Variants in ASIC2 observed in about 807,000 individuals in gnomAD.
The protein encoded by ASIC2 is acid sensing ion channel subunit 2.
Under a neutral mutation model 57.3 loss-of-function variants are expected in ASIC2, and 25 were observed. That is an observed-to-expected ratio of 0.44 (90% CI 0.32 to 0.61). The LOEUF (loss-of-function observed/expected upper bound fraction) is 0.61. ASIC2 is among the 20% of genes least tolerant of loss of function. The pLI is 0.06. For synonymous variants in ASIC2, 319 were observed against 307.5 expected, an observed-to-expected ratio of 1.04 and a Z score of -0.39; for missense variants, 641 against 738.1, an observed-to-expected ratio of 0.87 and a Z score of 1.52.
At chr17:33,063,250 C>G (rs2092028403) in intron 3 of ASIC2, among the ~76,000 whole-genome samples, 1 of 152,190 alleles carries the variant, frequency 6.6e-6, no homozygotes, top group Non-Finnish European at 1.5e-5. Flanking sequence ...CAGTTTCTTC[C>G]TAGCATCGAT....
At chr17:33,849,668 G>C (rs568733947) in intron 1 of ASIC2, among the ~76,000 whole-genome samples, 1 of 152,264 alleles carries the variant, frequency 6.6e-6, no homozygotes, top group East Asian at 1.9e-4. Context: ...AGTGAAGAAA[G>C]GGGAACTGCA....
At chr17:33,044,850 G>A (rs4795735) in intron 3 of ASIC2, among the ~76,000 whole-genome samples, 32,586 of 152,154 alleles carry the variant, frequency 0.21, 3,828 homozygotes, top group East Asian at 0.36. Context: ...GGAGGGCATG[G>A]TCCAACTAAT....
intron 1 of ASIC2, among the ~76,000 whole-genome samples, chr17:33,899,985 G>A (rs1915196227): frequency 6.6e-6 from 1 of 152,192 alleles, no homozygotes; most frequent in Non-Finnish European, 1.5e-5. Context: ...TGGGAAGTGA[G>A]TATCCTGTGC....
At chr17:33,815,034 G>T (rs116824895) in intron 1 of ASIC2, among the ~76,000 whole-genome samples, 1 of 152,180 alleles carries the variant, frequency 6.6e-6, no homozygotes, top group Admixed American at 6.5e-5. Context: ...ACCAAGCATG[G>T]GCATTGAGGT....
intron 1 of ASIC2, among the ~76,000 whole-genome samples, chr17:33,577,490 G>A (rs1345945190): frequency 1.3e-5 from 2 of 152,092 alleles, no homozygotes; most frequent in African/African-American, 4.8e-5. Flanking sequence ...AGACCCTACC[G>A]TATTGGTTCT....
chr17:33,574,439 T>A (rs945673265), intron 1 of ASIC2, among the ~76,000 whole-genome samples: 1 of 152,228 alleles, frequency 6.6e-6, no homozygotes, highest in Non-Finnish European at 1.5e-5. Context: ...AGTAGCACTA[T>A]CAACATTTTA....
chr17:33,254,445 A>G (rs928609873), intron 1 of ASIC2, among the ~76,000 whole-genome samples: 17 of 152,108 alleles, frequency 1.1e-4, no homozygotes, highest in Non-Finnish European at 1.3e-4. Flanking sequence ...AGCCTTTCCA[A>G]TAACTATATA....
rs924474750 is a variant in ASIC2, at chr17:33,421,009, C to T, written c.556-308942G>A. 4.6e-5 allele frequency among the ~76,000 whole-genome samples: 7 copies of T among 152,286 alleles called. No individual in the cohort carries two copies. The South Asian group carries it at 6.2e-4, about 14-fold the overall frequency. On this transcript the variant is annotated intron_variant, in intron 1 of 9. Coordinates refer to the ASIC2 transcript ENST00000359872. ...TTGGTTTAGTGAAGTTTCTACTTTTCCTTGGAAAGCACTCATGTAATGGAG... is the reference window on the plus strand; with the variant it reads ...TTGGTTTAGTGAAGTTTCTACTTTTTCTTGGAAAGCACTCATGTAATGGAG...
chr17:33,139,985 T>C (rs1001832474), intron 1 of ASIC2, among the ~76,000 whole-genome samples: 1 of 152,222 alleles, frequency 6.6e-6, no homozygotes, highest in African/African-American at 2.4e-5. Context: ...TAAAGGAGAA[T>C]GTGCTATACA....
chr17:33,492,573 T>G (rs1913795266), intron 1 of ASIC2, among the ~76,000 whole-genome samples: 1 of 152,334 alleles, frequency 6.6e-6, no homozygotes, highest in African/African-American at 2.4e-5. Context: ...TCACACCACC[T>G]TGTTGAGTGA....
chr17:33,234,812 C>T (rs1908231645), intron 1 of ASIC2, among the ~76,000 whole-genome samples: 1 of 152,224 alleles, frequency 6.6e-6, no homozygotes, highest in Non-Finnish European at 1.5e-5. Context: ...ACCTAATCAC[C>T]TCCCAAAATC....
At chr17:34,009,814 C>G (rs182007169) in intron 1 of ASIC2, among the ~76,000 whole-genome samples, 133 of 152,214 alleles carry the variant, frequency 8.7e-4, no homozygotes, top group Non-Finnish European at 1.4e-3. Flanking sequence ...CTTTCAGAAC[C>G]CCAGCCTTAT....
At chr17:33,683,925 A>G (rs576402766) in intron 1 of ASIC2, among the ~76,000 whole-genome samples, 26 of 152,318 alleles carry the variant, frequency 1.7e-4, no homozygotes, top group Non-Finnish European at 2.5e-4. Flanking sequence ...ATCTACAAAT[A>G]AGGTCATGAG....
At chr17:33,888,715 A>G (rs67361277) in intron 1 of ASIC2, among the ~76,000 whole-genome samples, 25,911 of 152,092 alleles carry the variant, frequency 0.17, 2,350 homozygotes, top group African/African-American at 0.24. Flanking sequence ...TGAGAAGGCA[A>G]TTAAAATACA....
At chr17:33,394,651 A>G (rs1308838104) in intron 1 of ASIC2, among the ~76,000 whole-genome samples, 3 of 152,136 alleles carry the variant, frequency 2.0e-5, no homozygotes, top group Non-Finnish European at 4.4e-5. Flanking sequence ...CAAGTGAGGC[A>G]CCCAGGGAGG....
chr17:33,035,666 A>T (rs151239382), intron 3 of ASIC2, among the ~76,000 whole-genome samples: 2 of 152,272 alleles, frequency 1.3e-5, no homozygotes, highest in African/African-American at 4.8e-5. Flanking sequence ...GTTCATCAAG[A>T]TTTTCTAATT....
intron 1 of ASIC2, among the ~76,000 whole-genome samples, chr17:34,007,279 G>T (rs999078702): frequency 6.6e-6 from 1 of 152,184 alleles, no homozygotes; most frequent in Non-Finnish European, 1.5e-5. Context: ...GATGTGCCCC[G>T]TCAGGGAGCC....
chr17:33,805,012 C>T (rs1912231566), intron 1 of ASIC2, among the ~76,000 whole-genome samples: 1 of 152,108 alleles, frequency 6.6e-6, no homozygotes, highest in South Asian at 2.1e-4. Flanking sequence ...CTGCTCATCC[C>T]TAGCTAAGGT....
chr17:33,762,383 T>C (rs1910811798), intron 1 of ASIC2, among the ~76,000 whole-genome samples: 1 of 152,194 alleles, frequency 6.6e-6, no homozygotes, highest in Non-Finnish European at 1.5e-5. Flanking sequence ...GAGTGGGTTA[T>C]GGGAGCTTGT....
Sources: gnomAD v4.1 joint callset for allele counts (sites outside exome capture counted in the v4.1 genomes callset) on GRCh38, gnomAD v4.1.1 for gene constraint, MANE v1.5 for transcripts, NCBI Gene and HGNC (gene_info 2026-07-23, HGNC 2026-07-21) for gene names.